BIN1: variants seen among roughly 807,000 people sequenced by gnomAD.
The protein encoded by BIN1 is bridging integrator 1, also known as myc box-dependent-interacting protein 1.
A neutral mutation model predicts 82.0 loss-of-function variants in BIN1; 53 were observed. The ratio of observed to expected loss-of-function variants is 0.65; its 90% CI spans 0.52 to 0.81. The LOEUF (loss-of-function observed/expected upper bound fraction) is 0.81. BIN1 is among the 40% of genes least tolerant of loss of function. The probability of loss-of-function intolerance (pLI) is 0.00; values close to 1 mark genes in which losing one functional copy is unlikely to be tolerated. For missense variants in BIN1, 642 were observed against 784.4 expected, an observed-to-expected ratio of 0.82 and a Z score of 2.17; for synonymous variants, 302 against 328.0, an observed-to-expected ratio of 0.92 and a Z score of 0.86.
chr2:127,060,930 T>C (rs1220193603), intron 10 of BIN1, among the ~76,000 whole-genome samples: 1 of 152,108 alleles, frequency 6.6e-6, no homozygotes, highest in Non-Finnish European at 1.5e-5. Flanking sequence ...CCCCAGGAGC[T>C]CCAGGTGTGC....
Position 127,050,524 on chromosome 2 carries a change from T to C in BIN1, c.1573-2A>G. ...CGTGTAGTCGTGCTGGGCCTGTACC[T>C]GCAGAGGATGCGGATCGCAAGTCAG... is the stretch of plus-strand genomic sequence containing the variant. On this transcript the variant is annotated splice_acceptor_variant, in intron 17 of 18. Transcript: ENST00000316724. LOFTEE classifies it high-confidence loss of function. 6.2e-7 allele frequency: 1 copy of C among 1,614,168 alleles called. No homozygotes were observed. The highest frequency in any genetic ancestry group is 8.5e-7 in the Non-Finnish European group (1 of 1,179,988).
chr2:127,091,904 A>C (rs570194527), intron 1 of BIN1, among the ~76,000 whole-genome samples: 117 of 152,222 alleles, frequency 7.7e-4, no homozygotes, highest in African/African-American at 2.6e-3. Flanking sequence ...TCAGAAAAAC[A>C]ACAAAAGAAT....
chr2:127,088,403 G>T (rs912174035), intron 1 of BIN1, among the ~76,000 whole-genome samples: 1 of 152,202 alleles, frequency 6.6e-6, no homozygotes. Context: ...ACTCTAGGAG[G>T]GAGGCAATGT....
chr2:127,051,694 A>G (rs570407539), intron 15 of BIN1, among the ~76,000 whole-genome samples: 1 of 152,290 alleles, frequency 6.6e-6, no homozygotes, highest in Admixed American at 6.5e-5. Flanking sequence ...AGCACAACCC[A>G]GCGCAGGTGG....
chr2:127,089,499 G>A (rs1478925480), intron 1 of BIN1, among the ~76,000 whole-genome samples: 3 of 152,178 alleles, frequency 2.0e-5, no homozygotes, highest in Admixed American at 6.5e-5. Flanking sequence ...ATGGGGACAC[G>A]TGTTGGGGTA....
chr2:127,102,882 G>A (rs1176827638), intron 1 of BIN1, among the ~76,000 whole-genome samples: 1 of 152,226 alleles, frequency 6.6e-6, no homozygotes, highest in African/African-American at 2.4e-5. Context: ...GGTTCAGAGG[G>A]AAGAGGCCCA....
Position 127,063,641 on chromosome 2 carries a change from A to G in BIN1, c.704T>C (p.Val235Ala), listed in dbSNP as rs1206011617. ...EELPSLWNSR[V>A]GFYVNTFQSI... ...CTGGAACGTGTTGACGTAGAAACCT[A>G]CGCGGCTACAGAAGGGCGGAAGGAT... The change falls in exon 9 of 19, where the codon GTA (valine) becomes GCA (alanine). Residue 235 changes from valine (V) to alanine (A), a missense_variant. Physicochemically the swap from Val to Ala is moderately conservative, Grantham distance 64. Transcript: ENST00000316724. The G allele has an allele frequency of 1.2e-6, 2 of 1,613,446 alleles. No individual in the cohort carries two copies. Among genetic ancestry groups the G allele is most frequent in the Non-Finnish European group, 1.7e-6 (2 of 1,179,818 alleles).
intron 1 of BIN1, among the ~76,000 whole-genome samples, chr2:127,085,618 C>G (rs370928569): frequency 5.2e-4 from 79 of 152,072 alleles, no homozygotes; most frequent in African/African-American, 1.9e-3. Context: ...AGGAAGGAGC[C>G]CGAAAGAAAA....
At chr2:127,080,774 G>C (rs111402401) in intron 1 of BIN1, among the ~76,000 whole-genome samples, 2 of 152,256 alleles carry the variant, frequency 1.3e-5, no homozygotes, top group East Asian at 1.9e-4. Flanking sequence ...GGGCAGGGAG[G>C]GGGGGCAGGT....
chr2:127,060,151 C>T (rs1269144213), intron 10 of BIN1, among the ~76,000 whole-genome samples: 1 of 152,138 alleles, frequency 6.6e-6, no homozygotes, highest in South Asian at 2.1e-4. Context: ...GTCGCTGACA[C>T]CATCTTTCCT....
At chr2:127,077,337 C>A (rs530168512) in intron 1 of BIN1, among the ~76,000 whole-genome samples, 19 of 151,180 alleles carry the variant, frequency 1.3e-4, no homozygotes, top group South Asian at 6.3e-4. Flanking sequence ...CACACACACA[C>A]AAAACACACA....
intron 1 of BIN1, among the ~76,000 whole-genome samples, chr2:127,087,825 G>T (rs891285410): frequency 2.0e-5 from 3 of 152,082 alleles, no homozygotes; most frequent in South Asian, 2.1e-4. Flanking sequence ...CAACCAGGAG[G>T]GCTGGAGGAC....
chr2:127,076,129 T>C (rs1558846251), intron 2 of BIN1, among the ~76,000 whole-genome samples: 1 of 152,016 alleles, frequency 6.6e-6, no homozygotes, highest in Non-Finnish European at 1.5e-5. Context: ...CTCTCTCAAA[T>C]GCTCCCAGGC....
At chr2:127,092,987 A>AT (rs1201455443) in intron 1 of BIN1, among the ~76,000 whole-genome samples, 4 of 135,446 alleles carry the variant, frequency 3.0e-5, no homozygotes, top group Non-Finnish European at 6.2e-5. Context: ...CAATCCCTCT[A>AT]AAAAAAAAAA....
chr2:127,101,148 T>C (rs1680301201), intron 1 of BIN1, among the ~76,000 whole-genome samples: 1 of 151,800 alleles, frequency 6.6e-6, no homozygotes, highest in African/African-American at 2.4e-5. Context: ...CCCTCCTGCC[T>C]CCCCCATCCT....
At chr2:127,071,497 G>C (rs1167857805) in intron 2 of BIN1, among the ~76,000 whole-genome samples, 1 of 152,168 alleles carries the variant, frequency 6.6e-6, no homozygotes, top group African/African-American at 2.4e-5. Flanking sequence ...CCTGAGCAGG[G>C]AGAGTGTCCT....
intron 1 of BIN1, among the ~76,000 whole-genome samples, chr2:127,097,486 G>A (rs1331148607): frequency 6.6e-6 from 1 of 152,134 alleles, no homozygotes; most frequent in Non-Finnish European, 1.5e-5. Context: ...GGCATGCATG[G>A]GACAGGGCAG....
chr2:127,058,262 G>A lies in BIN1; in HGVS notation c.1003-661C>T, dbSNP rs530249577. On this transcript the variant is annotated intron_variant, in intron 11 of 18. Coordinates refer to ENST00000316724, the MANE Select transcript of BIN1 (RefSeq NM_139343.3). The stretch of plus-strand genomic sequence containing the variant: ...GGGGTGTTGTGGGGACTCAGTGAAC[G>A]AATACACAGAAGGCACTGGCACCAT... Among the ~76,000 whole-genome samples the A allele has an allele frequency of 5.3e-4, 80 of 152,346 alleles. No homozygotes were observed. The South Asian group carries it at 0.016, about 31-fold the overall frequency.
At chr2:127,074,950 C>A (rs1686399505) in intron 2 of BIN1, among the ~76,000 whole-genome samples, 1 of 152,192 alleles carries the variant, frequency 6.6e-6, no homozygotes, top group Non-Finnish European at 1.5e-5. Context: ...ATCTGCCTGC[C>A]TTGGCCCCCC....
Sources: allele counts gnomAD v4.1 joint callset (sites outside exome capture counted in the v4.1 genomes callset), GRCh38; gene constraint gnomAD v4.1.1; transcripts MANE v1.5; gene names NCBI Gene and HGNC (gene_info 2026-07-23, HGNC 2026-07-21).